Variants in SHANK2 observed in about 807,000 individuals in gnomAD.
SHANK2 encodes SH3 and multiple ankyrin repeat domains 2, also known as SH3 and multiple ankyrin repeat domains protein 2.
SHANK2 carries 43 observed loss-of-function variants against 133.7 expected under a neutral mutation model. The ratio of observed to expected loss-of-function variants is 0.32; its 90% CI spans 0.25 to 0.41. The LOEUF (loss-of-function observed/expected upper bound fraction) is 0.41. SHANK2 is among the 10% of genes least tolerant of loss of function. The pLI, the probability that SHANK2 is intolerant of heterozygous loss-of-function variation, is 1.00. For synonymous variants in SHANK2, 1,017 were observed against 952.8 expected (o/e 1.07, Z -1.24); for missense variants, 1,994 against 2,235.8 (o/e 0.89, Z 2.18).
intron 10 of SHANK2, among the ~76,000 whole-genome samples, chr11:70,898,131 T>TA (rs1214205520): frequency 2.0e-5 from 3 of 151,272 alleles, no homozygotes; most frequent in Non-Finnish European, 4.4e-5. Context: ...TCTGGCTAAT[T>TA]AAAAAAAAAT....
chr11:71,210,250 A>ATATATATATTTATT (rs1353494730), intron 2 of SHANK2, among the ~76,000 whole-genome samples: 11 of 85,486 alleles, frequency 1.3e-4, no homozygotes, highest in Admixed American at 3.8e-4. Flanking sequence ...ATATATATAT[A>ATATATATATTTATT]TATTTATTTA....
At chr11:71,113,709 C>T (rs1951929563) in intron 4 of SHANK2, among the ~76,000 whole-genome samples, 1 of 152,196 alleles carries the variant, frequency 6.6e-6, no homozygotes, top group Admixed American at 6.5e-5. Flanking sequence ...TGGATCAGCC[C>T]TTGGCAAGGC....
At chr11:70,645,423 A>G (rs1230923056) in intron 17 of SHANK2, among the ~76,000 whole-genome samples, 1 of 152,136 alleles carries the variant, frequency 6.6e-6, no homozygotes, top group Non-Finnish European at 1.5e-5. Context: ...AACAACAAAA[A>G]CAAAAAACAA....
intron 11 of SHANK2, among the ~76,000 whole-genome samples, chr11:70,894,380 G>T (rs1336012780): frequency 6.6e-6 from 1 of 152,096 alleles, no homozygotes; most frequent in Non-Finnish European, 1.5e-5. Flanking sequence ...TAGAGACAGG[G>T]TTTCCTATGT....
chr11:70,492,710 G>A lies in SHANK2; in HGVS notation c.2309-245C>T, dbSNP rs566440579. 2.6e-5 allele frequency among the ~76,000 whole-genome samples: 4 copies of A among 152,028 alleles called. No homozygotes were observed. The South Asian group carries it at 6.2e-4, about 24-fold the overall frequency. On this transcript the variant is annotated intron_variant, in intron 21 of 25. Coordinates refer to ENST00000601538, the MANE Select transcript of SHANK2 (RefSeq NM_012309.5). The stretch of plus-strand genomic sequence containing the variant: ...GGACATAGAAGACCCTCCACAGCTC[G>A]GCCACCTTCTTAAGTGCCCAGCCCC...
At chr11:71,160,202 G>A (rs2135460927) in intron 2 of SHANK2, among the ~76,000 whole-genome samples, 1 of 152,324 alleles carries the variant, frequency 6.6e-6, no homozygotes, top group Middle Eastern at 3.4e-3. Context: ...TGCAGTCCCA[G>A]GATGGGGAAG....
chr11:70,700,596 C>A (rs1225868093), intron 14 of SHANK2, among the ~76,000 whole-genome samples: 2 of 152,230 alleles, frequency 1.3e-5, no homozygotes, highest in East Asian at 3.9e-4. Flanking sequence ...GCATCTGCAA[C>A]AAATATGCCC....
chr11:70,839,944 A>G (rs1317613471), intron 11 of SHANK2, among the ~76,000 whole-genome samples: 1 of 152,190 alleles, frequency 6.6e-6, no homozygotes, highest in African/African-American at 2.4e-5. Context: ...GAAAACCTCA[A>G]AGTCTAGGAA....
At chr11:70,677,157 A>G (rs1944918247) in intron 15 of SHANK2, among the ~76,000 whole-genome samples, 1 of 152,222 alleles carries the variant, frequency 6.6e-6, no homozygotes, top group Admixed American at 6.5e-5. Flanking sequence ...CAGAAGATAC[A>G]GCCAAGGCCC....
chr11:71,162,829 T>G (rs2135469662), intron 2 of SHANK2, among the ~76,000 whole-genome samples: 1 of 151,802 alleles, frequency 6.6e-6, no homozygotes, highest in South Asian at 2.1e-4. Flanking sequence ...TCCCAGCACT[T>G]TGGGAGGTCA....
chr11:70,924,459 A>G (rs1489361669), intron 10 of SHANK2, among the ~76,000 whole-genome samples: 2 of 152,004 alleles, frequency 1.3e-5, no homozygotes, highest in African/African-American at 4.8e-5. Context: ...ATACTTTTTT[A>G]AAAATTTTTA....
intron 17 of SHANK2, among the ~76,000 whole-genome samples, chr11:70,620,588 G>GC (rs1565186445): frequency 7.6e-6 from 1 of 131,912 alleles, no homozygotes; most frequent in Admixed American, 9.7e-5. Context: ...GGCTTGTCTT[G>GC]CCCCCAGACA....
intron 17 of SHANK2, among the ~76,000 whole-genome samples, chr11:70,546,750 G>C (rs1554976497): frequency 6.6e-6 from 1 of 152,198 alleles, no homozygotes; most frequent in African/African-American, 2.4e-5. Context: ...GGGAACAAGG[G>C]GGAACAATGC....
chr11:70,886,846 C>A (rs1352714290), intron 11 of SHANK2, among the ~76,000 whole-genome samples: 2 of 151,968 alleles, frequency 1.3e-5, no homozygotes, highest in African/African-American at 4.8e-5. Flanking sequence ...TCCAAGTATT[C>A]CTTCGTCGGC....
At chr11:70,622,334 G>T (rs1231502533) in intron 17 of SHANK2, among the ~76,000 whole-genome samples, 3 of 151,570 alleles carry the variant, frequency 2.0e-5, no homozygotes, top group African/African-American at 7.3e-5. Context: ...CCCCACCTGT[G>T]CTGTGCCCCA....
At chr11:70,713,721 T>C (rs1555026670) in intron 14 of SHANK2, among the ~76,000 whole-genome samples, 1 of 152,244 alleles carries the variant, frequency 6.6e-6, no homozygotes. Flanking sequence ...CGGGTGTCCA[T>C]TGCTGCCACC....
chr11:70,779,102 A>C (rs1212123950), intron 14 of SHANK2, among the ~76,000 whole-genome samples: 1 of 152,150 alleles, frequency 6.6e-6, no homozygotes. Flanking sequence ...GGATCCTCCC[A>C]AAGGAACCTG....
At chr11:71,163,719 CAGTGGAAACT>C (rs1313091279) in intron 2 of SHANK2, among the ~76,000 whole-genome samples, 1 of 152,158 alleles carries the variant, frequency 6.6e-6, no homozygotes, top group African/African-American at 2.4e-5. Context: ...AAAAGGAGCT[CAGTGGAAACT>C]GCCCCAAAAG....
chr11:71,206,474 C>T (rs191559021), intron 2 of SHANK2, among the ~76,000 whole-genome samples: 3 of 152,198 alleles, frequency 2.0e-5, no homozygotes, highest in East Asian at 1.9e-4. Flanking sequence ...TAGAGAAAGC[C>T]GGGAGCCAGC....
Sources: gnomAD v4.1 joint callset for allele counts (sites outside exome capture counted in the v4.1 genomes callset) on GRCh38, gnomAD v4.1.1 for gene constraint, MANE v1.5 for transcripts, NCBI Gene and HGNC (gene_info 2026-07-23, HGNC 2026-07-21) for gene names.